The following MMAB variants were observed in gnomAD, a reference collection of about 807,000 sequenced individuals.
The protein encoded by MMAB is metabolism of cobalamin associated B, also known as corrinoid adenosyltransferase MMAB.
In MMAB, 17 loss-of-function variants were observed where a neutral mutation model predicts 30.6. The ratio of observed to expected loss-of-function variants is 0.56; its 90% CI spans 0.38 to 0.83. The LOEUF is 0.83. Ranked by LOEUF, MMAB falls within the 40% of genes least tolerant of loss-of-function variation. MMAB has a pLI of 0.00. For synonymous variants in MMAB, 134 were observed against 138.6 expected (o/e 0.97, Z 0.23); for missense variants, 311 against 331.6 (o/e 0.94, Z 0.48).
intron 2 of MMAB, among the ~76,000 whole-genome samples, chr12:109,570,492 C>T (rs1021269893): frequency 6.6e-6 from 1 of 152,176 alleles, no homozygotes; most frequent in Non-Finnish European, 1.5e-5. Flanking sequence ...ATGTCCCGTA[C>T]ATGCTTTTAT....
Position 109,561,813 on chromosome 12 carries a change from T to A in MMAB, c.388A>T (p.Thr130Ser). 6.2e-7 allele frequency: 1 copy of A among 1,609,910 alleles called. No homozygotes were observed. The highest frequency in any genetic ancestry group is 8.5e-7 in the Non-Finnish European group (1 of 1,178,108). The change falls in exon 5 of 9, where the codon ACA becomes TCA. Residue 130 changes from threonine to serine, a missense_variant. Transcript: ENST00000545712. The surrounding 1 kb of genome is among the most constrained non-coding windows in gnomAD (Gnocchi z 5.3). ...GCCTCCCGGGCCGAGGAGCATGGTG[T>A]CGCCAGGGCCGAGCCGACGTCCTGC... ...TLQDVGSALA[T>S]PCSSAREAHL...
chr12:109,563,791 G>A (rs889027174), intron 4 of MMAB, among the ~76,000 whole-genome samples: 2 of 152,238 alleles, frequency 1.3e-5, no homozygotes, highest in East Asian at 1.9e-4. Context: ...ACTACCCTCC[G>A]TCTGTTCCCA....
At chr12:109,560,249 G>A (rs951356276) in intron 7 of MMAB, among the ~76,000 whole-genome samples, 1 of 152,176 alleles carries the variant, frequency 6.6e-6, no homozygotes, top group Non-Finnish European at 1.5e-5. Flanking sequence ...GACAGACGTG[G>A]ACTCCAATCT....
At chr12:109,559,020 GACCGCTGC>G (rs72650184) in intron 8 of MMAB, 68 bp downstream of exon 8, 1 of 1,112,998 alleles carries the variant, frequency 9.0e-7, no homozygotes, top group East Asian at 2.4e-5. Context: ...CTGCTTCCCG[GACCGCTGC>G]ACCGCTGCTA....
rs182294884 is a variant in MMAB, at chr12:109,568,932, T to A, written c.197-69A>T. Reference sequence around the variant, plus strand: ...TCCTGATATGCTGTTTTTTTTTTTTTAAACTTTCAAAGATTTTAAAGAACT... The same window carrying A: ...TCCTGATATGCTGTTTTTTTTTTTTAAAACTTTCAAAGATTTTAAAGAACT... On this transcript the variant is annotated intron_variant, in intron 2 of 8. Transcript: ENST00000545712. 7.4e-3 allele frequency: 8,250 copies of A among 1,111,468 alleles called. 223 individuals are homozygous for A. In the Admixed American group the frequency reaches 0.084, roughly 11 times the overall value. 68.9% of individuals were successfully genotyped at this position (1,111,468 alleles called of 1,614,324 possible).
intron 8 of MMAB, 101 bp from the exon 9 acceptor site, chr12:109,557,237 G>T: frequency 1.2e-6 from 1 of 844,292 alleles, no homozygotes; most frequent in Non-Finnish European, 2.0e-6. Flanking sequence ...AGATATAAAT[G>T]ACGCACTCTG....
In MMAB at chr12:109,558,190, G is replaced by A. The variant is rs1050138539; in HGVS notation, c.644+906C>T. 2.0e-5 allele frequency among the ~76,000 whole-genome samples: 3 copies of A among 152,194 alleles called. No individual in the cohort carries two copies. Among genetic ancestry groups the A allele is most frequent in the Non-Finnish European group, 4.4e-5 (3 of 68,038 alleles). ...TACCCCTGGGCCGCATGCTCCTGGAGGGCAGTGGTGTGCCTGTTGCTTGTT... is the reference window on the plus strand; with the variant it reads ...TACCCCTGGGCCGCATGCTCCTGGAAGGCAGTGGTGTGCCTGTTGCTTGTT... On this transcript the variant is annotated intron_variant, in intron 8 of 8. Transcript: ENST00000545712. The surrounding 1 kb of genome is among the most constrained non-coding windows in gnomAD (Gnocchi z 4.3).
At chr12:109,565,819 G>A (rs986964880) in intron 3 of MMAB, among the ~76,000 whole-genome samples, 1 of 152,078 alleles carries the variant, frequency 6.6e-6, no homozygotes, top group African/African-American at 2.4e-5. Flanking sequence ...AGACTTTGAA[G>A]GCTGGGGAGG....
chr12:109,566,128 C>T (rs746311410), intron 3 of MMAB, among the ~76,000 whole-genome samples: 18 of 152,172 alleles, frequency 1.2e-4, no homozygotes, highest in Non-Finnish European at 2.5e-4. Context: ...GTAGGGAGCC[C>T]AGCTGCCACC....
chr12:109,570,873 C>CAAAAAAAAAAAAAAAAAAAAAAAAAAA (rs111235348), intron 2 of MMAB, among the ~76,000 whole-genome samples: 1 of 92,386 alleles, frequency 1.1e-5, no homozygotes, highest in Admixed American at 1.2e-4. Context: ...AACCCTGTAT[C>CAAAAAAAAAAAAAAAAAAAAAAAAAAA]AAAAAAAAAA....
At chr12:109,567,869 C>T (rs370718741) in intron 3 of MMAB, 7 of 152,150 alleles carry the variant, frequency 4.6e-5, no homozygotes, top group Admixed American at 1.3e-4. Context: ...AACTCCTGAG[C>T]TCAAGTGATT....
At position 109,565,064 on chromosome 12, in the gene MMAB, C is replaced by T. The variant is rs1884367821; in HGVS notation, c.348+55G>A. 1.0e-5 allele frequency: 14 copies of T among 1,386,140 alleles called. No homozygotes were observed. In the East Asian group the frequency reaches 1.8e-4, roughly 18 times the overall value. The allele number at this position is 1,386,140 out of a possible 1,614,324, so 85.9% of individuals were successfully genotyped here. A position where few individuals can be genotyped will look rare whatever the true frequency, so the allele number is the denominator to read the frequency against. ...TAACTGGTGGCTGGATGCTGAGTCC[C>T]GTGATGGCCACCGGGGCTGAAGATT... On this transcript the variant is annotated intron_variant, in intron 4 of 8. Coordinates refer to ENST00000545712, the MANE Select transcript of MMAB (RefSeq NM_052845.4).
intron 1 of MMAB, 86 bp from the exon 2 acceptor site, chr12:109,571,796 T>C (rs980394351): frequency 2.6e-6 from 3 of 1,136,304 alleles, no homozygotes; most frequent in East Asian, 4.7e-5. Flanking sequence ...AGCTTGCTGC[T>C]TGTAACCTCA....
rs769764790 is a variant in MMAB, at chr12:109,558,325, G to A, written c.644+771C>T. Among the ~76,000 whole-genome samples, 18 of 152,206 alleles carry A rather than the reference G, an allele frequency of 1.2e-4. No individual in the cohort carries two copies. The highest frequency in any genetic ancestry group is 4.1e-4 in the South Asian group (2 of 4,822). On this transcript the variant is annotated intron_variant, in intron 8 of 8. Coordinates refer to ENST00000545712, the MANE Select transcript of MMAB (RefSeq NM_052845.4). The surrounding 1 kb of genome is among the most constrained non-coding windows in gnomAD (Gnocchi z 4.3). ...AGTAGACCTGCTCCTCACTCCCGGC[G>A]AAACCCCCCTCCCAGAAGGAAAGGA... is the stretch of plus-strand genomic sequence containing the variant.
At position 109,555,667 on chromosome 12, in the gene MMAB, C is replaced by T. The variant is rs1478549428; in HGVS notation, c.*1361G>A. On this transcript the variant is annotated 3_prime_UTR_variant, in exon 9 of 9. Transcript: ENST00000545712. Reference sequence around the variant, plus strand: ...ACAAAGCCACCTCCTGGAAGGCATTCACACACTCCTGGTCATCTGCACCTC... The same window carrying T: ...ACAAAGCCACCTCCTGGAAGGCATTTACACACTCCTGGTCATCTGCACCTC... 5 of 451,916 alleles carry T rather than the reference C, an allele frequency of 1.1e-5. No homozygotes were observed. In the Admixed American group the frequency reaches 1.2e-4, roughly 11 times the overall value. The allele number at this position is 451,916 out of a possible 1,614,324, so 28.0% of individuals were successfully genotyped here. A position where few individuals can be genotyped will look rare whatever the true frequency, so the allele number is the denominator to read the frequency against.
At position 109,565,116 on chromosome 12, in the gene MMAB, C is replaced by A; in HGVS notation, c.348+3G>T. ...CCAGCTTGGGTGAGATGGTGTTACT[C>A]ACTTTCTGAAGCTCTTCGGCAAATG... On this transcript the variant is annotated splice_donor_region_variant and intron_variant, in intron 4 of 8. Coordinates refer to ENST00000545712, the MANE Select transcript of MMAB (RefSeq NM_052845.4). 1 of 1,613,122 alleles carries A rather than the reference C, an allele frequency of 6.2e-7. No homozygotes were observed. Among genetic ancestry groups the A allele is most frequent in the South Asian group, 1.1e-5 (1 of 91,046 alleles).
Position 109,561,821 on chromosome 12 carries a change from G to T in MMAB, c.380C>A (p.Ala127Asp), listed in dbSNP as rs778169806. 3 of 1,609,290 alleles carry T rather than the reference G, an allele frequency of 1.9e-6. No homozygotes were observed. Among genetic ancestry groups the T allele is most frequent in the Non-Finnish European group, 2.5e-6 (3 of 1,177,794 alleles). ...IQCTLQDVGS[A>D]LATPCSSARE... ...GGCCGAGGAGCATGGTGTCGCCAGGGCCGAGCCGACGTCCTGCAATGTGCA... is the reference window on the plus strand; with the variant it reads ...GGCCGAGGAGCATGGTGTCGCCAGGTCCGAGCCGACGTCCTGCAATGTGCA... Residue 127 changes from alanine to aspartate, a missense_variant, in exon 5 of 9, where the codon GCC (alanine) becomes GAC (aspartate). By Grantham distance (126) the Ala-to-Asp change is moderately radical. Coordinates refer to ENST00000545712, the MANE Select transcript of MMAB (RefSeq NM_052845.4). The surrounding 1 kb of genome is among the most constrained non-coding windows in gnomAD (Gnocchi z 5.3).
chr12:109,573,126 C>T (rs1056159774), intron 1 of MMAB: 2 of 632,110 alleles, frequency 3.2e-6, no homozygotes, highest in Middle Eastern at 8.5e-4. Flanking sequence ...ATGGGATATG[C>T]CCTGCCCTGC....
At position 109,554,751 on chromosome 12, in the gene MMAB, T is replaced by G. The variant is rs1370589430; in HGVS notation, c.*2277A>C. ...AGGGGTACACATCTTTTCTTTTGCC[T>G]CGGGCTCTTGATAGAGCTTTTGAAA... On this transcript the variant is annotated 3_prime_UTR_variant, in exon 9 of 9. Transcript: ENST00000545712. The G allele has an allele frequency of 2.2e-6, 1 of 454,128 alleles. No individual in the cohort carries two copies. The highest frequency in any genetic ancestry group is 6.9e-5 in the East Asian group (1 of 14,398). The allele number at this position is 454,128 out of a possible 1,614,324, so 28.1% of individuals were successfully genotyped here. A position where few individuals can be genotyped will look rare whatever the true frequency, so the allele number is the denominator to read the frequency against.
Sources: gnomAD v4.1 joint callset for allele counts (sites outside exome capture counted in the v4.1 genomes callset) on GRCh38, gnomAD v4.1.1 for gene constraint, Gnocchi (gnomAD v3.1) non-coding constraint, MANE v1.5 for transcripts, NCBI Gene and HGNC (gene_info 2026-07-23, HGNC 2026-07-21) for gene names.